ESR2: variants seen among roughly 807,000 people sequenced by gnomAD.
ESR2 encodes estrogen receptor beta.
In ESR2, 36 loss-of-function variants were observed where a neutral mutation model predicts 49.6. That is an observed-to-expected ratio of 0.73 (90% CI 0.56 to 0.96). ESR2 has a LOEUF of 0.96. Ranked by LOEUF, ESR2 falls within the 40% of genes least tolerant of loss-of-function variation. ESR2 has a pLI of 0.00. For synonymous variants in ESR2, 320 were observed against 266.1 expected, an observed-to-expected ratio of 1.20 and a Z score of -1.97; for missense variants, 714 against 693.0, an observed-to-expected ratio of 1.03 and a Z score of -0.34.
chr14:64,314,441 C>A (rs964669308), intron 1 of ESR2, among the ~76,000 whole-genome samples: 2 of 147,150 alleles, frequency 1.4e-5, no homozygotes, highest in South Asian at 2.2e-4. Context: ...GCTCCCACAC[C>A]AAGAACCTAG....
intron 1 of ESR2, among the ~76,000 whole-genome samples, chr14:64,302,632 T>C (rs1050861994): frequency 6.6e-6 from 1 of 152,172 alleles, no homozygotes; most frequent in East Asian, 1.9e-4. Context: ...TAGGAAACAT[T>C]GCTTTAAGCA....
chr14:64,317,875 T>TA (rs1244110219), intron 1 of ESR2, among the ~76,000 whole-genome samples: 20 of 152,128 alleles, frequency 1.3e-4, no homozygotes, highest in Non-Finnish European at 2.1e-4. Context: ...CAAGCATCTA[T>TA]AAAAAAATCT....
intron 1 of ESR2, among the ~76,000 whole-genome samples, chr14:64,284,163 G>A (rs933997374): frequency 1.9e-4 from 29 of 151,134 alleles, no homozygotes; most frequent in Non-Finnish European, 2.8e-4. Flanking sequence ...TCCTGATCTC[G>A]AGTGATCCAC....
chr14:64,268,526 C>T (rs1226660901), intron 4 of ESR2, among the ~76,000 whole-genome samples: 3 of 152,176 alleles, frequency 2.0e-5, no homozygotes, highest in Non-Finnish European at 4.4e-5. Flanking sequence ...CATCTGGTGG[C>T]CTATTCTGTG....
chr14:64,249,572 A>C lies in ESR2; in HGVS notation c.1199T>G (p.Val400Gly). The change falls in exon 7 of 9, where the codon GTC (valine) becomes GGC (glycine). Residue 400 changes from valine to glycine, a missense_variant. Val to Gly is a moderately radical substitution (Grantham distance 109, BLOSUM62 -3). Transcript: ENST00000341099. ...LKLQHKEYLC[V>G]KAMILLNSSM... ...GGAATTGAGCAGGATCATGGCCTTG[A>C]CACAGAGATATTCTTTGTGTTGGAG... 1 of 1,613,990 alleles carries C rather than the reference A, an allele frequency of 6.2e-7. No homozygotes were observed. Among genetic ancestry groups the C allele is most frequent in the Non-Finnish European group, 8.5e-7 (1 of 1,179,960 alleles).
chr14:64,278,905 G>C (rs1189114615), intron 3 of ESR2, among the ~76,000 whole-genome samples: 2 of 152,182 alleles, frequency 1.3e-5, no homozygotes, highest in South Asian at 2.1e-4. Context: ...GAACAAGGGA[G>C]ACAGACATGG....
intron 1 of ESR2, among the ~76,000 whole-genome samples, chr14:64,323,613 G>T (rs2077351827): frequency 6.6e-6 from 1 of 152,222 alleles, no homozygotes; most frequent in Non-Finnish European, 1.5e-5. Context: ...TTCAAAGGCA[G>T]AGGTGGAGGC....
At chr14:64,259,502 C>T (rs2076169122) in intron 5 of ESR2, among the ~76,000 whole-genome samples, 1 of 152,192 alleles carries the variant, frequency 6.6e-6, no homozygotes, top group Non-Finnish European at 1.5e-5. Context: ...GGTGTTGCCA[C>T]TCTAGGTTAG....
chr14:64,268,364 C>T (rs1476106664), intron 4 of ESR2, among the ~76,000 whole-genome samples: 1 of 152,200 alleles, frequency 6.6e-6, no homozygotes, highest in Non-Finnish European at 1.5e-5. Flanking sequence ...ATGGCTACCC[C>T]AGTAACCCAC....
At chr14:64,310,311 A>ATTATTATTATT (rs1555595523) in intron 1 of ESR2, among the ~76,000 whole-genome samples, 1,661 of 149,332 alleles carry the variant, frequency 0.011, 35 homozygotes, top group Admixed American at 0.05. Flanking sequence ...TAATAATAAT[A>ATTATTATTATT]ATAATAATTC....
intron 1 of ESR2, among the ~76,000 whole-genome samples, chr14:64,313,537 AAAAAAAAAG>A (rs1284211536): frequency 1.3e-5 from 2 of 150,944 alleles, no homozygotes; most frequent in African/African-American, 4.9e-5. Context: ...TGTCAAAAAA[AAAAAAAAAG>A]AAAAGAAAAG....
chr14:64,239,640 CTATTT>C (rs1252695763), intron 7 of ESR2, among the ~76,000 whole-genome samples: 5 of 152,206 alleles, frequency 3.3e-5, no homozygotes, highest in South Asian at 4.1e-4. Flanking sequence ...GTTGGGTAGG[CTATTT>C]TATTAACTAT....
At chr14:64,308,420 A>T (rs1212074080) in intron 1 of ESR2, among the ~76,000 whole-genome samples, 1 of 152,146 alleles carries the variant, frequency 6.6e-6, no homozygotes, top group African/African-American at 2.4e-5. Flanking sequence ...GACAGTTCAA[A>T]ACACTTTCCA....
In ESR2 at chr14:64,230,691, CAG is replaced by C. The variant is rs562291488; in HGVS notation, c.*2444_*2445del. On this transcript the variant is annotated 3_prime_UTR_variant, in exon 9 of 9. Transcript: ENST00000341099. ...GGCAGTCACTATGAGACAGGCCTGA[CAG>C]AGGGGTGCTGTGAGAACAGAGCGAG... Among the ~76,000 whole-genome samples, 190 of 151,752 alleles carry C rather than the reference CAG, an allele frequency of 1.3e-3. No individual in the cohort carries two copies. Among genetic ancestry groups the C allele is most frequent in the Non-Finnish European group, 2.3e-3 (155 of 67,958 alleles).
intron 8 of ESR2, 176 bp downstream of exon 8, chr14:64,234,794 C>G (rs1353797465): frequency 5.9e-6 from 8 of 1,355,542 alleles, no homozygotes; most frequent in African/African-American, 5.9e-5. Flanking sequence ...GACATTCCTT[C>G]CATGCCCACT....
At chr14:64,289,494 A>G (rs561036789) in intron 1 of ESR2, among the ~76,000 whole-genome samples, 71 of 152,272 alleles carry the variant, frequency 4.7e-4, no homozygotes, top group Middle Eastern at 6.8e-3. Flanking sequence ...CCTGGGCAAC[A>G]AGAGCAAAAC....
At chr14:64,288,912 G>T (rs1442973405) in intron 1 of ESR2, among the ~76,000 whole-genome samples, 1 of 150,668 alleles carries the variant, frequency 6.6e-6, no homozygotes, top group Non-Finnish European at 1.5e-5. Flanking sequence ...CTTGAACCCA[G>T]GAGGTGGAGG....
chr14:64,246,640 G>A (rs765811045), intron 7 of ESR2, among the ~76,000 whole-genome samples: 2 of 142,340 alleles, frequency 1.4e-5, no homozygotes, highest in African/African-American at 2.6e-5. Context: ...GGCATCGCTT[G>A]AGAATCACTT....
intron 1 of ESR2, among the ~76,000 whole-genome samples, chr14:64,332,596 C>T (rs974379342): frequency 2.0e-5 from 3 of 151,950 alleles, no homozygotes; most frequent in Middle Eastern, 6.8e-3. Context: ...GTCAGGAGAT[C>T]GAGACCATCC....
Sources: gnomAD v4.1 joint callset for allele counts (sites outside exome capture counted in the v4.1 genomes callset) on GRCh38, gnomAD v4.1.1 for gene constraint, MANE v1.5 for transcripts, NCBI Gene and HGNC (gene_info 2026-07-23, HGNC 2026-07-21) for gene names.